Variants in KLHL31 observed in about 807,000 individuals in gnomAD.
KLHL31 encodes kelch-like protein 31.
KLHL31 carries 32 observed loss-of-function variants against 47.1 expected under a neutral mutation model. The observed-to-expected ratio is 0.68, with a 90% CI of 0.51 to 0.91. KLHL31 has a LOEUF of 0.91. KLHL31 is among the 40% of genes least tolerant of loss of function. The pLI is 0.00. For synonymous variants in KLHL31, 330 were observed against 325.1 expected, an observed-to-expected ratio of 1.01 and a Z score of -0.16; for missense variants, 797 against 819.3, an observed-to-expected ratio of 0.97 and a Z score of 0.33.
chr6:53,665,382 A>G (rs751267580), intron 1 of KLHL31, among the ~76,000 whole-genome samples: 1 of 152,182 alleles, frequency 6.6e-6, no homozygotes, highest in Non-Finnish European at 1.5e-5. Context: ...GTTACCGTGA[A>G]GTTCTCCTAA....
At chr6:53,664,734 C>T (rs1300538404) in intron 1 of KLHL31, among the ~76,000 whole-genome samples, 2 of 152,202 alleles carry the variant, frequency 1.3e-5, no homozygotes, top group African/African-American at 4.8e-5. Flanking sequence ...GTCACTGTCA[C>T]TCTCATGCCA....
At chr6:53,656,984 G>A (rs1764570815) in intron 1 of KLHL31, among the ~76,000 whole-genome samples, 1 of 130,466 alleles carries the variant, frequency 7.7e-6, no homozygotes, top group African/African-American at 2.8e-5. Flanking sequence ...CCAGGCTAGA[G>A]TGTAGTGGTG....
In KLHL31 at chr6:53,648,379, A is replaced by C. The variant is rs1198570671; in HGVS notation, c.*3219T>G. On this transcript the variant is annotated 3_prime_UTR_variant, in exon 3 of 3. Transcript: ENST00000370905. Reference sequence around the variant, plus strand: ...GGTTGTAACTAAGGGAAAAAAATTAATGAGGTGATTTTAGTTTATTTCGTC... The same window carrying C: ...GGTTGTAACTAAGGGAAAAAAATTACTGAGGTGATTTTAGTTTATTTCGTC... The C allele has an allele frequency of 2.6e-5, 4 of 152,218 alleles. No homozygotes were observed. Among genetic ancestry groups the C allele is most frequent in the African/African-American group, 9.6e-5 (4 of 41,458 alleles). 9.4% of individuals were successfully genotyped at this position (152,218 alleles called of 1,614,324 possible). A position where few individuals can be genotyped will look rare whatever the true frequency, so the allele number is the denominator to read the frequency against.
At chr6:53,658,155 G>A (rs1358286537) in intron 1 of KLHL31, among the ~76,000 whole-genome samples, 1 of 152,182 alleles carries the variant, frequency 6.6e-6, no homozygotes, top group Non-Finnish European at 1.5e-5. Flanking sequence ...AGTACAAGAT[G>A]TAATTTATAT....
rs1219378148 is a variant in KLHL31 at position 53,649,478 on chromosome 6, T to C, written c.*2120A>G. 1.3e-5 allele frequency: 2 copies of C among 152,164 alleles called. No individual in the cohort carries two copies. Among genetic ancestry groups the C allele is most frequent in the African/African-American group, 4.8e-5 (2 of 41,448 alleles). The allele number at this position is 152,164 out of a possible 1,614,324, so 9.4% of individuals were successfully genotyped here. A position where few individuals can be genotyped will look rare whatever the true frequency, so the allele number is the denominator to read the frequency against. ...ACTAACATGTCTCCAGTTTCATCTC[T>C]AGAAAGCCACTGCCAAGTTTTTGCA... On this transcript the variant is annotated 3_prime_UTR_variant, in exon 3 of 3. Coordinates refer to ENST00000370905, the MANE Select transcript of KLHL31 (RefSeq NM_001003760.5).
chr6:53,657,316 C>A (rs567609980), intron 1 of KLHL31, among the ~76,000 whole-genome samples: 1 of 152,248 alleles, frequency 6.6e-6, no homozygotes, highest in South Asian at 2.1e-4. Context: ...AATTAGTTTA[C>A]CAAATTTCTG....
rs1764447209 is a variant in KLHL31, at chr6:53,650,400, A to G, written c.*1198T>C. ...TTTGGAGCAGATGAGATTAATAAAA[A>G]TAGGACAGAATGAGTATATATTTTT... On this transcript the variant is annotated 3_prime_UTR_variant, in exon 3 of 3. Transcript: ENST00000370905. 1.3e-5 allele frequency: 2 copies of G among 152,242 alleles called. No individual in the cohort carries two copies. The highest frequency in any genetic ancestry group is 4.8e-5 in the African/African-American group (2 of 41,460). 9.4% of individuals were successfully genotyped at this position (152,242 alleles called of 1,614,324 possible). A position where few individuals can be genotyped will look rare whatever the true frequency, so the allele number is the denominator to read the frequency against.
intron 1 of KLHL31, among the ~76,000 whole-genome samples, chr6:53,664,583 T>C (rs1222177924): frequency 6.6e-6 from 1 of 152,212 alleles, no homozygotes; most frequent in Non-Finnish European, 1.5e-5. Context: ...CCCCAGCTGA[T>C]CCCAGATGAA....
chr6:53,662,312 C>A (rs529517236), intron 1 of KLHL31, among the ~76,000 whole-genome samples: 2 of 152,174 alleles, frequency 1.3e-5, no homozygotes, highest in Admixed American at 1.3e-4. Context: ...TACAAGCTTC[C>A]GCCAGGACTG....
In KLHL31 at chr6:53,651,421, A is replaced by AAAAAAAAATT; in HGVS notation, c.*176_*177insAATTTTTTTT. On this transcript the variant is annotated 3_prime_UTR_variant, in exon 3 of 3. Coordinates refer to ENST00000370905, the MANE Select transcript of KLHL31 (RefSeq NM_001003760.5). ...TGCTAAAAAAAAAAAAAAAAAAAAG[A>AAAAAAAAATT]GGTAGATTATGCCATACCAGGAATT... The AAAAAAAAATT allele has an allele frequency of 2.7e-6, 1 of 364,530 alleles. No homozygotes were observed. The highest frequency in any genetic ancestry group is 4.9e-6 in the Non-Finnish European group (1 of 202,104). The allele number at this position is 364,530 out of a possible 1,614,324, so 22.6% of individuals were successfully genotyped here.
At chr6:53,664,826 T>G (rs1363277905) in intron 1 of KLHL31, among the ~76,000 whole-genome samples, 2 of 152,134 alleles carry the variant, frequency 1.3e-5, no homozygotes, top group African/African-American at 4.8e-5. Context: ...CACATTCCTA[T>G]CGCTGCATCT....
rs141075656 is a variant in KLHL31, at chr6:53,654,942, C to T, written c.331G>A (p.Val111Met). 3,078 of 1,614,184 alleles carry T rather than the reference C, an allele frequency of 1.9e-3. 18 individuals carry two copies. The Middle Eastern group carries it at 0.031, about 16-fold the overall frequency. The part of the protein sequence containing the change: ...ILKKDPSIQR[V>M]DLNDISPLGL... ...AGTGGTGAGATATCATTGAGATCCA[C>T]CCTCTGAATTGACGGGTCTTTTTTT... The change falls in exon 2 of 3, where the codon GTG (valine) becomes ATG (methionine). Residue 111 changes from valine to methionine, a missense_variant. By Grantham distance (21) the Val-to-Met change is conservative. Coordinates refer to ENST00000370905, the MANE Select transcript of KLHL31 (RefSeq NM_001003760.5).
rs1764457752 is a variant in KLHL31, at chr6:53,651,184, A to G, written c.*414T>C. Reference sequence around the variant, plus strand: ...AATATCTTCAACTTCCTAAAGAAAAAAGAGAGAGAGGAAAATAAACTTTTG... The same window carrying G: ...AATATCTTCAACTTCCTAAAGAAAAGAGAGAGAGAGGAAAATAAACTTTTG... On this transcript the variant is annotated 3_prime_UTR_variant, in exon 3 of 3. Coordinates refer to ENST00000370905, the MANE Select transcript of KLHL31 (RefSeq NM_001003760.5). The G allele has an allele frequency of 1.3e-5, 2 of 154,194 alleles. No homozygotes were observed. The highest frequency in any genetic ancestry group is 2.4e-5 in the African/African-American group (1 of 41,502). The allele number at this position is 154,194 out of a possible 1,614,324, so 9.6% of individuals were successfully genotyped here.
At chr6:53,652,631 C>G (rs1032641008) in intron 2 of KLHL31, among the ~76,000 whole-genome samples, 5 of 152,154 alleles carry the variant, frequency 3.3e-5, no homozygotes, top group Non-Finnish European at 5.9e-5. Context: ...CTTTCAGTCC[C>G]CCTTTCCTCC....
Position 53,665,686 on chromosome 6 carries a change from G to C in KLHL31, c.-119C>G, listed in dbSNP as rs966538875. The C allele has an allele frequency of 6.6e-6, 1 of 152,144 alleles. No individual in the cohort carries two copies. Among genetic ancestry groups the C allele is most frequent in the African/African-American group, 2.4e-5 (1 of 41,404 alleles). The allele number at this position is 152,144 out of a possible 1,614,324, so 9.4% of individuals were successfully genotyped here. On this transcript the variant is annotated 5_prime_UTR_variant, in exon 1 of 3. Coordinates refer to ENST00000370905, the MANE Select transcript of KLHL31 (RefSeq NM_001003760.5). ...TTGGGAAGGGATCTGTGGAGATAGA[G>C]AGAGGGAGAAGGAAAATCCGGTGGG...
intron 2 of KLHL31, among the ~76,000 whole-genome samples, chr6:53,653,814 C>T (rs979243825): frequency 3.3e-5 from 5 of 152,168 alleles, no homozygotes; most frequent in African/African-American, 1.2e-4. Context: ...TTGCCGCTTA[C>T]TGGTGTTATA....
rs1335195462 is a variant in KLHL31, at chr6:53,651,750, G to A, written c.1753C>T (p.Gln585Ter). 2 of 1,614,144 alleles carry A rather than the reference G, an allele frequency of 1.2e-6. No individual in the cohort carries two copies. Among genetic ancestry groups the A allele is most frequent in the Non-Finnish European group, 8.5e-7 (1 of 1,180,040 alleles). ...TCGTTGAGCTCGGGGCTGAAGCACTGGATGCACTTCTTGTACTTCTTCTCG... is the reference window on the plus strand; with the variant it reads ...TCGTTGAGCTCGGGGCTGAAGCACTAGATGCACTTCTTGTACTTCTTCTCG... ...EGEKKYKKCI[Q>*]CFSPELNEWT... Residue 585 changes from glutamine to a stop codon, truncating the protein, a stop_gained, in exon 3 of 3, where the codon CAG becomes TAG. Coordinates refer to ENST00000370905, the MANE Select transcript of KLHL31 (RefSeq NM_001003760.5). LOFTEE classifies it high-confidence loss of function.
Position 53,655,321 on chromosome 6 carries a change from A to T in KLHL31, c.-33-16T>A, listed in dbSNP as rs1317464395. The T allele has an allele frequency of 7.7e-7, 1 of 1,292,438 alleles. No individual in the cohort carries two copies. The highest frequency in any genetic ancestry group is 2.7e-5 in the Admixed American group (1 of 36,976). The allele number at this position is 1,292,438 out of a possible 1,614,324, so 80.1% of individuals were successfully genotyped here. A position where few individuals can be genotyped will look rare whatever the true frequency, so the allele number is the denominator to read the frequency against. On this transcript the variant is annotated splice_polypyrimidine_tract_variant and intron_variant, in intron 1 of 2. Transcript: ENST00000370905. ...CAAGAGCTTGCTAAAAAGAGAAAAA[A>T]AAAAACATGGTTTTGTTTTAATTGT... is the stretch of plus-strand genomic sequence containing the variant.
At position 53,654,923 on chromosome 6, in the gene KLHL31, G is replaced by A. The variant is rs766189135; in HGVS notation, c.350C>T (p.Ser117Leu). 1 of 1,614,142 alleles carries A rather than the reference G, an allele frequency of 6.2e-7. No individual in the cohort carries two copies. The highest frequency in any genetic ancestry group is 1.7e-5 in the Admixed American group (1 of 60,022). ...SIQRVDLNDISPLGLATVIAY... is the reference protein window; with the variant it reads ...SIQRVDLNDILPLGLATVIAY... ...AATGACAGTGGCCAGGCCTAGTGGT[G>A]AGATATCATTGAGATCCACCCTCTG... The change falls in exon 2 of 3, where the codon TCA becomes TTA. Residue 117 changes from serine (S) to leucine (L), a missense_variant. Ser to Leu is a moderately radical substitution (Grantham distance 145, BLOSUM62 -2). Coordinates refer to ENST00000370905, the MANE Select transcript of KLHL31 (RefSeq NM_001003760.5).
Sources: allele counts gnomAD v4.1 joint callset (sites outside exome capture counted in the v4.1 genomes callset), GRCh38; gene constraint gnomAD v4.1.1; transcripts MANE v1.5; gene names NCBI Gene and HGNC (gene_info 2026-07-23, HGNC 2026-07-21).